ZSCAN25: variants seen among roughly 807,000 people sequenced by gnomAD.
The protein encoded by ZSCAN25 is zinc finger and SCAN domain-containing protein 25.
In ZSCAN25, 27 loss-of-function variants were observed where a neutral mutation model predicts 38.7. The observed-to-expected ratio is 0.70, with a 90% confidence interval of 0.51 to 0.96. The LOEUF is 0.96. Ranked by LOEUF, ZSCAN25 falls within the 40% of genes least tolerant of loss-of-function variation. The probability of loss-of-function intolerance (pLI) is 0.00; values close to 1 mark genes in which losing one functional copy is unlikely to be tolerated. For synonymous variants in ZSCAN25, 273 were observed against 277.7 expected, an observed-to-expected ratio of 0.98 and a Z score of 0.17; for missense variants, 637 against 705.9, an observed-to-expected ratio of 0.90 and a Z score of 1.11.
chr7:99,638,112 C>T, the ZSCAN25 span: 2 of 947,656 alleles, frequency 2.1e-6, no homozygotes, highest in Admixed American at 6.0e-5. Context: ...TCCCCCCAAA[C>T]TGTAGAACAG....
chr7:99,658,295 A>G, the ZSCAN25 span, among the ~76,000 whole-genome samples: 5 of 152,122 alleles, frequency 3.3e-5, no homozygotes, highest in Admixed American at 6.5e-5. Flanking sequence ...AAAATCTCTC[A>G]GCATTTGCTT....
the ZSCAN25 span, among the ~76,000 whole-genome samples, chr7:99,673,309 T>C: frequency 6.6e-6 from 1 of 152,170 alleles, no homozygotes; most frequent in Non-Finnish European, 1.5e-5. Flanking sequence ...TTGCTTCTAG[T>C]GAACAAACAC....
the ZSCAN25 span, among the ~76,000 whole-genome samples, chr7:99,694,457 A>G: frequency 6.6e-6 from 1 of 152,194 alleles, no homozygotes; most frequent in African/African-American, 2.4e-5. Context: ...CCCTCTACAC[A>G]TTGGACACAG....
chr7:99,698,529 A>C, the ZSCAN25 span, among the ~76,000 whole-genome samples: 1 of 152,228 alleles, frequency 6.6e-6, no homozygotes, highest in African/African-American at 2.4e-5. Flanking sequence ...ATAACCTGCT[A>C]AGCAGGTATA....
the ZSCAN25 span, chr7:99,638,898 C>A: frequency 1.8e-6 from 1 of 554,398 alleles, no homozygotes. Context: ...CTCCTAAGGG[C>A]AGAGGCCCAG....
chr7:99,718,712 A>C, the ZSCAN25 span, among the ~76,000 whole-genome samples: 1 of 152,230 alleles, frequency 6.6e-6, no homozygotes, highest in Non-Finnish European at 1.5e-5. Context: ...GAAATAAAAG[A>C]ATTGTCTCTA....
At chr7:99,717,393 A>G in the ZSCAN25 span, 1 of 1,591,192 alleles carries the variant, frequency 6.3e-7, no homozygotes, top group Non-Finnish European at 8.6e-7. Flanking sequence ...TTTTCTGTAC[A>G]TAAAAAGACT....
At chr7:99,636,066 A>G (rs1047358008), downstream of ZSCAN25, among the ~76,000 whole-genome samples, 1 of 151,710 alleles carries the variant, frequency 6.6e-6, no homozygotes, top group African/African-American at 2.4e-5. Context: ...AAAAAAAAAA[A>G]AAAAGATTTA....
chr7:99,622,717 C>A, intron 6 of ZSCAN25, 77 bp downstream of exon 6: 1 of 1,374,536 alleles, frequency 7.3e-7, no homozygotes, highest in Non-Finnish European at 1.0e-6. Flanking sequence ...TTTCTCTGCA[C>A]AACAGTGTTC....
chr7:99,723,564 A>G, the ZSCAN25 span, among the ~76,000 whole-genome samples: 1 of 152,112 alleles, frequency 6.6e-6, no homozygotes, highest in African/African-American at 2.4e-5. Context: ...CTTCACATGG[A>G]CGCAAATGAC....
chr7:99,666,525 G>T, the ZSCAN25 span: 1 of 1,452,420 alleles, frequency 6.9e-7, no homozygotes, highest in Non-Finnish European at 9.7e-7. Flanking sequence ...ACCCAACAGT[G>T]CGACTGTCGA....
rs1807758909 is a variant in ZSCAN25, at chr7:99,629,179, C to T, written c.806-12C>T. Reference sequence around the variant, plus strand: ...ACCACAGAATCAATCTTTATCTCCTCCTGTCCTGTAGGCGGTGGGAGCAAG... The same window carrying T: ...ACCACAGAATCAATCTTTATCTCCTTCTGTCCTGTAGGCGGTGGGAGCAAG... On this transcript the variant is annotated splice_polypyrimidine_tract_variant and intron_variant, in intron 7 of 7. Transcript: ENST00000394152. The surrounding 1 kb of genome is among the most constrained non-coding windows in gnomAD (Gnocchi z 5.6). 1 of 1,594,228 alleles carries T rather than the reference C, an allele frequency of 6.3e-7. No homozygotes were observed. The highest frequency in any genetic ancestry group is 1.4e-5 in the African/African-American group (1 of 74,048).
the ZSCAN25 span, chr7:99,638,880 G>A: frequency 1.4e-5 from 8 of 576,204 alleles, no homozygotes; most frequent in African/African-American, 1.5e-4. Flanking sequence ...GGCCTGCCTG[G>A]GAGTTGTCTC....
chr7:99,695,768 C>T, the ZSCAN25 span: 1 of 1,613,454 alleles, frequency 6.2e-7, no homozygotes, highest in Non-Finnish European at 8.5e-7. Flanking sequence ...CAAAGTAGTT[C>T]CCAAAAAAAG....
At chr7:99,699,864 G>A in the ZSCAN25 span, 2 of 776,480 alleles carry the variant, frequency 2.6e-6, no homozygotes, top group Admixed American at 3.7e-5. Context: ...ACTCCTCCTT[G>A]AACATCTCTT....
the ZSCAN25 span, among the ~76,000 whole-genome samples, chr7:99,707,146 G>C: frequency 6.6e-6 from 1 of 152,206 alleles, no homozygotes; most frequent in South Asian, 2.1e-4. Flanking sequence ...GATTAGCAGA[G>C]TTATAATTGA....
At chr7:99,722,366 A>G in the ZSCAN25 span, 3 of 1,612,648 alleles carry the variant, frequency 1.9e-6, no homozygotes, top group East Asian at 4.5e-5. Flanking sequence ...GAGAAACAAA[A>G]TAATATTTCA....
Position 99,619,968 on chromosome 7 carries a change from C to T in ZSCAN25, c.362C>T (p.Thr121Ile). 6.2e-7 allele frequency: 1 copy of T among 1,613,726 alleles called. No homozygotes were observed. Among genetic ancestry groups the T allele is most frequent in the South Asian group, 1.1e-5 (1 of 91,064 alleles). ...CTGGCCGCCATGGTGGAGGACCTGA[C>T]AGAAAGAGCACTGGAGGCCAAGGCG... ...KALAAMVEDL[T>I]ERALEAKAVP... The change falls in exon 4 of 8, where the codon ACA becomes ATA. Residue 121 changes from threonine (T) to isoleucine (I), a missense_variant. Physicochemically the swap from Thr to Ile is moderately conservative, Grantham distance 89. Transcript: ENST00000394152.
In ZSCAN25 at chr7:99,632,356, AAATC is replaced by A; in HGVS notation, c.*2337_*2340del. 1 of 634,670 alleles carries A rather than the reference AAATC, an allele frequency of 1.6e-6. No homozygotes were observed. Among genetic ancestry groups the A allele is most frequent in the Non-Finnish European group, 2.0e-6 (1 of 509,982 alleles). The allele number at this position is 634,670 out of a possible 1,614,324, so 39.3% of individuals were successfully genotyped here. A position where few individuals can be genotyped will look rare whatever the true frequency, so the allele number is the denominator to read the frequency against. ...TAGATAATTTCAAACCTATATAAAT[AAATC>A]CTTATGTATTTATCATTTGACTTTA... On this transcript the variant is annotated 3_prime_UTR_variant, in exon 8 of 8. Coordinates refer to ENST00000394152, the MANE Select transcript of ZSCAN25 (RefSeq NM_145115.3).
Sources: allele counts gnomAD v4.1 joint callset (sites outside exome capture counted in the v4.1 genomes callset), GRCh38; gene constraint gnomAD v4.1.1; non-coding constraint Gnocchi (gnomAD v3.1); transcripts MANE v1.5; gene names NCBI Gene and HGNC (gene_info 2026-07-23, HGNC 2026-07-21).